Variants in RARB observed in about 807,000 individuals in gnomAD.
RARB encodes retinoic acid receptor beta, also known as HBV-activated protein.
Under a neutral mutation model 51.9 loss-of-function variants are expected in RARB, and 17 were observed. The observed-to-expected ratio is 0.33, with a 90% CI of 0.22 to 0.49. The LOEUF is 0.49. Ranked by LOEUF, RARB falls within the 20% of genes least tolerant of loss-of-function variation. RARB has a pLI of 0.99. For synonymous variants in RARB, 215 were observed against 195.4 expected, an observed-to-expected ratio of 1.10 and a Z score of -0.84; for missense variants, 369 against 550.8, an observed-to-expected ratio of 0.67 and a Z score of 3.30.
chr3:25,562,165 A>C (rs975810235), intron 3 of RARB, among the ~76,000 whole-genome samples: 6 of 152,226 alleles, frequency 3.9e-5, no homozygotes, highest in Admixed American at 2.6e-4. Context: ...CTTCAGCAGA[A>C]GTGAACTTGA....
intron 5 of RARB, among the ~76,000 whole-genome samples, chr3:25,301,648 C>A (rs1471031963): frequency 6.6e-6 from 1 of 152,108 alleles, no homozygotes; most frequent in Admixed American, 6.6e-5. Context: ...TCTAGCAGAG[C>A]TTTAGAACAC....
chr3:25,339,289 C>G (rs149160524), intron 5 of RARB, among the ~76,000 whole-genome samples: 1 of 152,196 alleles, frequency 6.6e-6, no homozygotes, highest in Non-Finnish European at 1.5e-5. Flanking sequence ...AGTATAACAA[C>G]TGGAAGTGTA....
intron 3 of RARB, among the ~76,000 whole-genome samples, chr3:25,128,360 C>T (rs1699893507): frequency 6.6e-6 from 1 of 150,398 alleles, no homozygotes; most frequent in Non-Finnish European, 1.5e-5. Flanking sequence ...TATAAAGTAC[C>T]TAGACTTACA....
At chr3:25,338,096 A>AACACACACACACAC (rs10523484) in intron 5 of RARB, among the ~76,000 whole-genome samples, 5 of 144,052 alleles carry the variant, frequency 3.5e-5, no homozygotes, top group South Asian at 2.3e-4. Context: ...CCAAACCCCC[A>AACACACACACACAC]ACACACACAC....
At chr3:25,331,555 T>A (rs1057288846) in intron 5 of RARB, among the ~76,000 whole-genome samples, 4 of 152,150 alleles carry the variant, frequency 2.6e-5, no homozygotes, top group African/African-American at 9.7e-5. Flanking sequence ...TAGCACTAAA[T>A]GCCCACAAGA....
chr3:24,879,027 A>AC (rs1467312594), intron 2 of RARB, among the ~76,000 whole-genome samples: 3 of 152,188 alleles, frequency 2.0e-5, no homozygotes, highest in Non-Finnish European at 4.4e-5. Context: ...CTGATATATT[A>AC]ACTGGCTTTC....
chr3:25,331,896 C>T, intron 5 of RARB, among the ~76,000 whole-genome samples: 1 of 152,266 alleles, frequency 6.6e-6, no homozygotes, highest in African/African-American at 2.4e-5. Context: ...ACTATTAACA[C>T]CTCTATGCAA....
intron 5 of RARB, among the ~76,000 whole-genome samples, chr3:25,262,566 C>T (rs1036622058): frequency 3.9e-5 from 6 of 152,268 alleles, no homozygotes; most frequent in African/African-American, 9.6e-5. Context: ...CTGCATTCCA[C>T]GTTCATGGTC....
intron 5 of RARB, among the ~76,000 whole-genome samples, chr3:25,227,468 A>G (rs1480013640): frequency 1.3e-5 from 2 of 152,124 alleles, no homozygotes; most frequent in African/African-American, 4.8e-5. Flanking sequence ...TATATTACAT[A>G]TATATTTCCA....
chr3:25,421,473 G>A (rs1317297347), intron 5 of RARB, among the ~76,000 whole-genome samples: 2 of 132,834 alleles, frequency 1.5e-5, no homozygotes, highest in African/African-American at 5.9e-5. Flanking sequence ...GTGCAGTGGT[G>A]CAATCTCGGC....
intron 2 of RARB, among the ~76,000 whole-genome samples, chr3:24,906,447 T>C (rs761335285): frequency 6.6e-6 from 1 of 152,140 alleles, no homozygotes; most frequent in African/African-American, 2.4e-5. Flanking sequence ...ATAGTTGAGA[T>C]TGTTGTAACA....
intron 2 of RARB, among the ~76,000 whole-genome samples, chr3:24,999,746 AG>A (rs1447378315): frequency 6.6e-6 from 1 of 152,110 alleles, no homozygotes; most frequent in African/African-American, 2.4e-5. Context: ...AAGACCTCTA[AG>A]GGGTAGATTG....
At chr3:24,837,586 T>C (rs898719483) in intron 1 of RARB, among the ~76,000 whole-genome samples, 2 of 152,232 alleles carry the variant, frequency 1.3e-5, no homozygotes, top group Non-Finnish European at 2.9e-5. Context: ...CTGAAACATT[T>C]AAATTGAAGA....
At chr3:25,117,938 A>G (rs1699718704) in intron 3 of RARB, among the ~76,000 whole-genome samples, 1 of 152,190 alleles carries the variant, frequency 6.6e-6, no homozygotes, top group African/African-American at 2.4e-5. Context: ...GAAGGGTGAA[A>G]TAAGGTCAGG....
At chr3:24,886,310 C>T (rs903119600) in intron 2 of RARB, among the ~76,000 whole-genome samples, 3 of 152,128 alleles carry the variant, frequency 2.0e-5, no homozygotes, top group Non-Finnish European at 4.4e-5. Context: ...TCTTTGGAGT[C>T]CCTGACAGTG....
chr3:25,284,985 C>T (rs1471317333), intron 5 of RARB, among the ~76,000 whole-genome samples: 1 of 152,096 alleles, frequency 6.6e-6, no homozygotes. Context: ...AGATAGGTGC[C>T]CTGATATTGT....
At chr3:24,856,659 T>A (rs1702640250) in intron 1 of RARB, among the ~76,000 whole-genome samples, 1 of 152,198 alleles carries the variant, frequency 6.6e-6, no homozygotes. Flanking sequence ...TTCCTCAACA[T>A]GTTACTCTCT....
chr3:24,862,555 C>A (rs1413350749), intron 2 of RARB, among the ~76,000 whole-genome samples: 1 of 152,178 alleles, frequency 6.6e-6, no homozygotes, highest in East Asian at 1.9e-4. Flanking sequence ...CCTGCTTTGT[C>A]CCACCTGGGA....
rs370925911 is a variant in RARB at position 25,595,529 on chromosome 3, G to A, written c.1150+851G>A. 5.3e-5 allele frequency among the ~76,000 whole-genome samples: 8 copies of A among 152,214 alleles called. No individual in the cohort carries two copies. The East Asian group carries it at 1.4e-3, about 26-fold the overall frequency. On this transcript the variant is annotated intron_variant, in intron 7 of 7. Coordinates refer to ENST00000330688, the MANE Select transcript of RARB (RefSeq NM_000965.5). ...CAGATACCAGTGTGGTTGTGAATAC[G>A]GTATCTTTGATTTTTAAAAATGAGG...
Sources: allele counts gnomAD v4.1 joint callset (sites outside exome capture counted in the v4.1 genomes callset), GRCh38; gene constraint gnomAD v4.1.1; transcripts MANE v1.5; gene names NCBI Gene and HGNC (gene_info 2026-07-23, HGNC 2026-07-21).